PLCL2: variants seen among roughly 807,000 people sequenced by gnomAD.
PLCL2 encodes inactive phospholipase C-like protein 2.
A neutral mutation model predicts 79.6 loss-of-function variants in PLCL2; 4 were observed. That is an observed-to-expected ratio of 0.05 (90% CI 0.02 to 0.11). The LOEUF (loss-of-function observed/expected upper bound fraction) is 0.11, where lower values mean the gene tolerates loss of function less well. PLCL2 is among the 10% of genes least tolerant of loss of function. The probability of loss-of-function intolerance (pLI) is 1.00; values close to 1 mark genes in which losing one functional copy is unlikely to be tolerated. For missense variants in PLCL2, 895 were observed against 1,291.0 expected (o/e 0.69, Z 4.70); for synonymous variants, 484 against 457.7 (o/e 1.06, Z -0.73).
chr3:16,969,976 C>A (rs2063842081), intron 1 of PLCL2, among the ~76,000 whole-genome samples: 1 of 151,142 alleles, frequency 6.6e-6, no homozygotes, highest in Admixed American at 6.6e-5. Context: ...AAAAGCCATT[C>A]AGGAACAGTT....
intron 3 of PLCL2, among the ~76,000 whole-genome samples, chr3:17,016,569 G>A (rs913491139): frequency 6.6e-6 from 1 of 152,164 alleles, no homozygotes; most frequent in Admixed American, 6.5e-5. Flanking sequence ...CCCCATCCTC[G>A]GGGAGCCATC....
intron 1 of PLCL2, among the ~76,000 whole-genome samples, chr3:16,930,076 T>A (rs915373176): frequency 1.3e-5 from 2 of 152,218 alleles, no homozygotes; most frequent in Non-Finnish European, 2.9e-5. Context: ...GCAGCCAGAA[T>A]TCGCCTGGCA....
chr3:17,008,635 G>A (rs957133884), intron 1 of PLCL2, among the ~76,000 whole-genome samples: 2 of 152,044 alleles, frequency 1.3e-5, no homozygotes, highest in Non-Finnish European at 2.9e-5. Flanking sequence ...AAGTATTGGT[G>A]TAGGAGGCGT....
intron 1 of PLCL2, among the ~76,000 whole-genome samples, chr3:16,930,907 G>A (rs535511562): frequency 1.5e-4 from 23 of 152,194 alleles, no homozygotes; most frequent in African/African-American, 3.9e-4. Context: ...GCTAACTCCC[G>A]TGTACATTTG....
At chr3:16,945,675 G>A (rs1373977161) in intron 1 of PLCL2, among the ~76,000 whole-genome samples, 1 of 152,114 alleles carries the variant, frequency 6.6e-6, no homozygotes, top group Non-Finnish European at 1.5e-5. Flanking sequence ...ACTGTCCAGT[G>A]GCATACTCTA....
At chr3:16,915,476 C>G (rs535735217) in intron 1 of PLCL2, among the ~76,000 whole-genome samples, 3 of 152,276 alleles carry the variant, frequency 2.0e-5, no homozygotes, top group African/African-American at 7.2e-5. Flanking sequence ...TATAGTTATT[C>G]ATGCTCCATA....
chr3:17,072,528 G>T (rs566667952), intron 5 of PLCL2, among the ~76,000 whole-genome samples: 33 of 152,120 alleles, frequency 2.2e-4, no homozygotes, highest in African/African-American at 8.0e-4. Flanking sequence ...AATTAGTTGG[G>T]CATGGTGGCG....
chr3:16,969,953 T>A (rs888365323), intron 1 of PLCL2, among the ~76,000 whole-genome samples: 1 of 151,696 alleles, frequency 6.6e-6, no homozygotes, highest in East Asian at 1.9e-4. Flanking sequence ...TGCCTTAATT[T>A]CCTTGTTTAC....
chr3:17,089,779 A>G lies in PLCL2; in HGVS notation c.3251A>G (p.Asn1084Ser), dbSNP rs2065254684. The stretch of plus-strand genomic sequence containing the variant: ...TATGCTAAGAATGAGACATTGGAGA[A>G]CCTGAAACAAATCCATTTTGCTGCT... ...LKYAKNETLE[N>S]LKQIHFAAVS... Residue 1084 changes from asparagine (N) to serine (S), a missense_variant, in exon 6 of 6, where the codon AAC becomes AGC. By Grantham distance (46) the Asn-to-Ser change is conservative (BLOSUM62 1). Coordinates refer to ENST00000615277, the MANE Select transcript of PLCL2 (RefSeq NM_001144382.2). The G allele has an allele frequency of 6.2e-7, 1 of 1,613,742 alleles. No homozygotes were observed. Among genetic ancestry groups the G allele is most frequent in the Non-Finnish European group, 8.5e-7 (1 of 1,179,708 alleles).
At chr3:16,975,130 A>G (rs1402776038) in intron 1 of PLCL2, among the ~76,000 whole-genome samples, 1 of 152,206 alleles carries the variant, frequency 6.6e-6, no homozygotes, top group African/African-American at 2.4e-5. Context: ...GCCTTCCTCT[A>G]AAATGTCTCA....
chr3:17,076,095 G>A (rs2065106317), intron 5 of PLCL2, among the ~76,000 whole-genome samples: 1 of 152,184 alleles, frequency 6.6e-6, no homozygotes, highest in South Asian at 2.1e-4. Context: ...CTGCCACAGT[G>A]CTTTAAAAAC....
intron 5 of PLCL2, among the ~76,000 whole-genome samples, chr3:17,086,123 A>G (rs1553572002): frequency 6.6e-6 from 1 of 152,264 alleles, no homozygotes; most frequent in Non-Finnish European, 1.5e-5. Flanking sequence ...CAAAAGACCC[A>G]GAATAGCCAA....
chr3:16,932,698 A>C (rs1427615399), intron 1 of PLCL2, among the ~76,000 whole-genome samples: 1 of 152,176 alleles, frequency 6.6e-6, no homozygotes, highest in Non-Finnish European at 1.5e-5. Context: ...AAAATACAGG[A>C]GATCCAGAGC....
intron 4 of PLCL2, among the ~76,000 whole-genome samples, chr3:17,059,638 A>G (rs1345328424): frequency 6.6e-6 from 1 of 152,062 alleles, no homozygotes; most frequent in East Asian, 1.9e-4. Flanking sequence ...GTTATTTGCT[A>G]ACATTTGCTT....
chr3:17,087,765 T>C (rs1467492001), intron 5 of PLCL2, among the ~76,000 whole-genome samples: 1 of 152,220 alleles, frequency 6.6e-6, no homozygotes, highest in African/African-American at 2.4e-5. Flanking sequence ...GGGAACTCTC[T>C]GTGGTTTCTG....
At chr3:17,001,532 A>G (rs1253071072) in intron 1 of PLCL2, among the ~76,000 whole-genome samples, 2 of 152,268 alleles carry the variant, frequency 1.3e-5, no homozygotes, top group South Asian at 2.1e-4. Context: ...ATTTTTGTAT[A>G]TGGTAAGAGA....
At chr3:17,035,138 T>C (rs1270197567) in intron 3 of PLCL2, among the ~76,000 whole-genome samples, 1 of 152,168 alleles carries the variant, frequency 6.6e-6, no homozygotes, top group Non-Finnish European at 1.5e-5. Flanking sequence ...AATTATCCAG[T>C]GCCAGAAGCA....
intron 1 of PLCL2, among the ~76,000 whole-genome samples, chr3:16,904,697 C>G (rs930826138): frequency 2.0e-5 from 3 of 152,074 alleles, no homozygotes; most frequent in Admixed American, 1.3e-4. Context: ...TTGTAGTTCC[C>G]GTAATCCCTA....
At chr3:16,991,716 G>A (rs890515881) in intron 1 of PLCL2, among the ~76,000 whole-genome samples, 2 of 152,032 alleles carry the variant, frequency 1.3e-5, no homozygotes, top group Admixed American at 6.6e-5. Context: ...GTGTTTTCAA[G>A]TTTTAGTCTT....
Sources: allele counts gnomAD v4.1 joint callset (sites outside exome capture counted in the v4.1 genomes callset), GRCh38; gene constraint gnomAD v4.1.1; transcripts MANE v1.5; gene names NCBI Gene and HGNC (gene_info 2026-07-23, HGNC 2026-07-21).